Variants in RGS7BP observed in about 807,000 individuals in gnomAD.
RGS7BP encodes regulator of G protein signaling 7-binding protein.
RGS7BP carries 9 observed loss-of-function variants against 31.3 expected under a neutral mutation model. The ratio of observed to expected loss-of-function variants is 0.29; its 90% CI spans 0.17 to 0.50. The LOEUF is 0.50. Among genes scored for constraint, RGS7BP ranks in the 20% least tolerant of loss-of-function variants. The probability of loss-of-function intolerance (pLI) is 0.98; values close to 1 mark genes in which losing one functional copy is unlikely to be tolerated. For missense variants in RGS7BP, 274 were observed against 322.0 expected, an observed-to-expected ratio of 0.85 and a Z score of 1.14; for synonymous variants, 115 against 120.1, an observed-to-expected ratio of 0.96 and a Z score of 0.28.
intron 2 of RGS7BP, among the ~76,000 whole-genome samples, chr5:64,531,682 T>C (rs272637): frequency 0.69 from 105,593 of 152,078 alleles, 37,493 homozygotes; most frequent in East Asian, 0.95. Context: ...GTTTCCAGCA[T>C]CTGCTTCTGG....
intron 2 of RGS7BP, among the ~76,000 whole-genome samples, chr5:64,539,110 C>G (rs73111037): frequency 6.6e-6 from 1 of 152,042 alleles, no homozygotes; most frequent in Non-Finnish European, 1.5e-5. Context: ...TTTTAATTTG[C>G]GTTCCCCTAA....
intron 3 of RGS7BP, among the ~76,000 whole-genome samples, chr5:64,576,291 G>A (rs1401579040): frequency 2.6e-5 from 4 of 152,152 alleles, no homozygotes; most frequent in African/African-American, 9.7e-5. Context: ...GTGTCCCAAA[G>A]ATTTAAAAAT....
At chr5:64,581,729 T>C (rs999227439) in intron 3 of RGS7BP, among the ~76,000 whole-genome samples, 4 of 152,238 alleles carry the variant, frequency 2.6e-5, no homozygotes, top group Admixed American at 6.5e-5. Context: ...CTTAACAATA[T>C]CTTCAATGGA....
chr5:64,568,980 C>T (rs1229495591), intron 2 of RGS7BP, among the ~76,000 whole-genome samples: 2 of 152,034 alleles, frequency 1.3e-5, no homozygotes, highest in Non-Finnish European at 2.9e-5. Context: ...ACCGGAATAT[C>T]GCTAGAAACT....
intron 4 of RGS7BP, among the ~76,000 whole-genome samples, chr5:64,595,732 G>A (rs1743047238): frequency 6.6e-6 from 1 of 151,952 alleles, no homozygotes; most frequent in Non-Finnish European, 1.5e-5. Context: ...GTGTGTATGA[G>A]GTTAAGTCAC....
intron 2 of RGS7BP, among the ~76,000 whole-genome samples, chr5:64,543,301 A>C (rs915381797): frequency 2.0e-5 from 3 of 152,244 alleles, no homozygotes; most frequent in Admixed American, 6.5e-5. Context: ...TAAAGTAGAC[A>C]AGATTCTTTT....
chr5:64,537,040 A>T (rs968500213), intron 2 of RGS7BP, among the ~76,000 whole-genome samples: 2 of 152,194 alleles, frequency 1.3e-5, no homozygotes, highest in African/African-American at 4.8e-5. Context: ...GAAATTGGAG[A>T]TGATGTTTTA....
At chr5:64,527,054 C>G (rs141762059) in intron 2 of RGS7BP, among the ~76,000 whole-genome samples, 1 of 152,176 alleles carries the variant, frequency 6.6e-6, no homozygotes, top group African/African-American at 2.4e-5. Context: ...AAATACCCCA[C>G]GAAAATGGAC....
intron 5 of RGS7BP, among the ~76,000 whole-genome samples, chr5:64,604,401 C>T (rs980762897): frequency 1.3e-5 from 2 of 152,066 alleles, no homozygotes; most frequent in Admixed American, 6.6e-5. Flanking sequence ...TTTCATGAAG[C>T]CTTATAGTTA....
intron 2 of RGS7BP, among the ~76,000 whole-genome samples, chr5:64,536,695 G>C (rs913931456): frequency 6.6e-6 from 1 of 152,184 alleles, no homozygotes; most frequent in Non-Finnish European, 1.5e-5. Context: ...ATTGACTAAT[G>C]CCTTGTTTAG....
chr5:64,555,505 T>C (rs7734083), intron 2 of RGS7BP, among the ~76,000 whole-genome samples: 60,366 of 151,840 alleles, frequency 0.4, 12,382 homozygotes, highest in Middle Eastern at 0.49. Context: ...TACTGAAAAA[T>C]ACAATGGGGG....
intron 2 of RGS7BP, among the ~76,000 whole-genome samples, chr5:64,562,579 T>C (rs73763614): frequency 0.016 from 2,476 of 152,210 alleles, 72 homozygotes; most frequent in African/African-American, 0.056. Context: ...CAATATTCTT[T>C]CCTCTTTTTG....
intron 5 of RGS7BP, among the ~76,000 whole-genome samples, chr5:64,605,604 A>C (rs1310496354): frequency 6.6e-6 from 1 of 152,098 alleles, no homozygotes; most frequent in Non-Finnish European, 1.5e-5. Context: ...TCAGCTCCCT[A>C]TGGTGTAGAA....
At chr5:64,528,810 C>CAAAA (rs61488452) in intron 2 of RGS7BP, among the ~76,000 whole-genome samples, 12 of 65,270 alleles carry the variant, frequency 1.8e-4, no homozygotes, top group African/African-American at 5.9e-4. Context: ...GACTCCATCT[C>CAAAA]AAAAAAAAAA....
At chr5:64,578,014 T>A (rs1742483081) in intron 3 of RGS7BP, among the ~76,000 whole-genome samples, 1 of 152,244 alleles carries the variant, frequency 6.6e-6, no homozygotes, top group African/African-American at 2.4e-5. Context: ...TTACTTTTTG[T>A]CTTTTCAGAA....
chr5:64,507,814 A>G lies in RGS7BP; in HGVS notation c.269A>G (p.Lys90Arg), dbSNP rs1171964576. 3 of 1,614,100 alleles carry G rather than the reference A, an allele frequency of 1.9e-6. 1 individual carries two copies. Among genetic ancestry groups the G allele is most frequent in the East Asian group, 2.2e-5 (1 of 44,878 alleles). ...CCCTCACTCCGGGCGGAAATGCACA[A>G]GACAAGAACCAAAGGCTGTGAAATG... is the stretch of plus-strand genomic sequence containing the variant. ...SCPSLRAEMH[K>R]TRTKGCEMAR... Residue 90 changes from lysine to arginine, a missense_variant, in exon 2 of 6, where the codon AAG becomes AGG. This residue lies in a region of RGS7BP where 149 missense variants were observed against 152.6 expected (regional missense o/e 0.98). Transcript: ENST00000334025.
intron 2 of RGS7BP, among the ~76,000 whole-genome samples, chr5:64,570,986 A>C (rs2111887524): frequency 6.6e-6 from 1 of 152,240 alleles, no homozygotes; most frequent in East Asian, 1.9e-4. Context: ...TGCAAATCTT[A>C]AGTGTACCAT....
intron 2 of RGS7BP, among the ~76,000 whole-genome samples, chr5:64,512,461 AG>A (rs1748863869): frequency 6.6e-6 from 1 of 152,190 alleles, no homozygotes; most frequent in African/African-American, 2.4e-5. Flanking sequence ...ATTCACATGT[AG>A]TATGAAGTCG....
At chr5:64,585,414 A>G (rs965155325) in intron 3 of RGS7BP, among the ~76,000 whole-genome samples, 2 of 152,078 alleles carry the variant, frequency 1.3e-5, no homozygotes, top group African/African-American at 4.8e-5. Flanking sequence ...CAAGCTGAAG[A>G]CAGGCAGGAA....
Sources: gnomAD v4.1 joint callset for allele counts (sites outside exome capture counted in the v4.1 genomes callset) on GRCh38, gnomAD v4.1.1 for gene constraint, gnomAD v4.1.1 regional missense constraint, MANE v1.5 for transcripts, NCBI Gene and HGNC (gene_info 2026-07-23, HGNC 2026-07-21) for gene names.